The following NKIRAS1 variants were observed in gnomAD, a reference collection of about 807,000 sequenced individuals.
The protein encoded by NKIRAS1 is NFKB inhibitor interacting Ras like 1, also known as NF-kappa-B inhibitor-interacting Ras-like protein 1.
A neutral mutation model predicts 19.8 loss-of-function variants in NKIRAS1; 16 were observed. The observed-to-expected ratio is 0.81, with a 90% CI of 0.55 to 1.23. The LOEUF (loss-of-function observed/expected upper bound fraction) is 1.23, where lower values mean the gene tolerates loss of function less well. NKIRAS1 is among the 50% of genes most tolerant of loss of function. The pLI is 0.00. For synonymous variants in NKIRAS1, 88 were observed against 79.0 expected (o/e 1.11, Z -0.61); for missense variants, 184 against 220.0 (o/e 0.84, Z 1.04).
chr3:23,915,509 C>T (rs6800407), intron 1 of NKIRAS1, among the ~76,000 whole-genome samples: 34,450 of 152,094 alleles, frequency 0.23, 3,925 homozygotes, highest in African/African-American at 0.28. Context: ...ATTTCCTAAG[C>T]AGTCTCTCTG....
chr3:23,943,811 G>A (rs1705557612), intron 1 of NKIRAS1, among the ~76,000 whole-genome samples: 1 of 152,224 alleles, frequency 6.6e-6, no homozygotes, highest in African/African-American at 2.4e-5. Context: ...GTTTAGAAGG[G>A]TTTGGGTATC....
At chr3:23,916,273 G>A (rs1220266215) in intron 1 of NKIRAS1, 1 of 151,940 alleles carries the variant, frequency 6.6e-6, no homozygotes, top group Non-Finnish European at 1.5e-5. Flanking sequence ...AAAATATTCT[G>A]GAGAAACAAA....
At position 23,904,398 on chromosome 3, in the gene NKIRAS1, T is replaced by TA. The variant is rs373715043; in HGVS notation, c.95-3350_95-3349insT. On this transcript the variant is annotated intron_variant, in intron 3 of 4. Coordinates refer to ENST00000425478, the MANE Select transcript of NKIRAS1 (RefSeq NM_020345.4). ...CTTGTTGCTGCATCCTTGGGAGGGGTCAAATGCTGTGTCCTCACATGGTGG... is the reference window on the plus strand; with the variant it reads ...CTTGTTGCTGCATCCTTGGGAGGGGTACAAATGCTGTGTCCTCACATGGTGG... Among the ~76,000 whole-genome samples, 699 of 152,044 alleles carry TA rather than the reference T, an allele frequency of 4.6e-3. 10 individuals carry two copies. The highest frequency in any genetic ancestry group is 0.016 in the African/African-American group (655 of 41,434).
upstream of NKIRAS1, chr3:23,919,264 A>G (rs1228050782): frequency 1.9e-6 from 3 of 1,612,694 alleles, no homozygotes; most frequent in African/African-American, 1.3e-5. Flanking sequence ...AAGATTCCAC[A>G]TACAAATTTT....
exon 1 of NKIRAS1, chr3:23,946,407 G>A (rs1705711606): frequency 1.7e-6 from 1 of 574,244 alleles, no homozygotes; most frequent in Non-Finnish European, 2.2e-6. Context: ...GGGCTTTCCC[G>A]AAGGGATACG....
chr3:23,911,225 G>A (rs574039568), intron 2 of NKIRAS1, 104 bp downstream of exon 2: 7 of 221,292 alleles, frequency 3.2e-5, no homozygotes, highest in South Asian at 1.3e-4. Context: ...AGTCCAAGGC[G>A]GGTGGATCAC....
chr3:23,931,815 A>C (rs559252618), intron 1 of NKIRAS1, among the ~76,000 whole-genome samples: 4 of 152,226 alleles, frequency 2.6e-5, no homozygotes, highest in Admixed American at 6.5e-5. Context: ...CTTGCCTTCA[A>C]CCACCCAGTG....
At chr3:23,938,203 C>A (rs1705430979) in intron 1 of NKIRAS1, among the ~76,000 whole-genome samples, 1 of 134,454 alleles carries the variant, frequency 7.4e-6, no homozygotes, top group Non-Finnish European at 1.6e-5. Flanking sequence ...TTGAGAAGTA[C>A]AGTACCTTTT....
At chr3:23,897,269 A>G (rs1702081601) in intron 4 of NKIRAS1, among the ~76,000 whole-genome samples, 2 of 152,226 alleles carry the variant, frequency 1.3e-5, no homozygotes, top group South Asian at 4.1e-4. Context: ...CATTTATATA[A>G]AGAAACTCTG....
upstream of NKIRAS1, chr3:23,919,828 A>G (rs1178451864): frequency 6.7e-6 from 7 of 1,038,710 alleles, no homozygotes; most frequent in East Asian, 4.7e-4. Flanking sequence ...GGTGCATGTG[A>G]TGAAACCTGC....
Position 23,927,481 on chromosome 3 carries a change from A to G in NKIRAS1, c.-139-16031T>C, listed in dbSNP as rs1001116956. 7.9e-5 allele frequency among the ~76,000 whole-genome samples: 12 copies of G among 152,250 alleles called. No individual in the cohort carries two copies. The highest frequency in any genetic ancestry group is 2.9e-4 in the African/African-American group (12 of 41,462). On this transcript the variant is annotated intron_variant, in intron 1 of 4. Transcript: ENST00000421515. The surrounding 1 kb of genome is among the most constrained non-coding windows in gnomAD (Gnocchi z 4.0). ...ATGCTGTAGCTGGAATGCACACTTCAGCTCACTCTGAAATCCTGGCAAACG... is the reference window on the plus strand; with the variant it reads ...ATGCTGTAGCTGGAATGCACACTTCGGCTCACTCTGAAATCCTGGCAAACG...
At chr3:23,903,911 T>C in intron 3 of NKIRAS1, among the ~76,000 whole-genome samples, 1 of 152,218 alleles carries the variant, frequency 6.6e-6, no homozygotes, top group East Asian at 1.9e-4. Flanking sequence ...ACACCTGTAA[T>C]ACCAGCACTT....
upstream of NKIRAS1, chr3:23,921,660 T>C: frequency 1.5e-6 from 1 of 658,176 alleles, no homozygotes; most frequent in Non-Finnish European, 2.8e-6. Context: ...CTGCAACCTC[T>C]GTCTCCCGGG....
chr3:23,919,657 T>A, upstream of NKIRAS1: 1 of 1,415,028 alleles, frequency 7.1e-7, no homozygotes, highest in East Asian at 2.5e-5. Flanking sequence ...TTGAAGACAA[T>A]AAGTGGTGGT....
chr3:23,910,878 A>C lies in NKIRAS1; in HGVS notation c.27T>G (p.Val9=), dbSNP rs1292072137. 6.2e-7 allele frequency: 1 copy of C among 1,614,100 alleles called. No homozygotes were observed. The highest frequency in any genetic ancestry group is 1.7e-5 in the Admixed American group (1 of 60,022). The change falls in exon 3 of 5, where the codon GTT becomes GTG. Residue 9 remains valine, a synonymous_variant. Coordinates refer to ENST00000425478, the MANE Select transcript of NKIRAS1 (RefSeq NM_020345.4). ...TTTTCCCCACAGATAACAATCCACA[A>C]ACCACAACCTTGCAGCCCTTTCCCA... MGKGCKVV[V]CGLLSVGKTA...
Position 23,922,006 on chromosome 3 carries a change from C to A in NKIRAS1, c.-139-10556G>T. ...TAGGAATGAGCCACCACACCGGGCC[C>A]AAATTTACTTTAGTAATAACAACAA... On this transcript the variant is annotated intron_variant, in intron 1 of 4. Coordinates refer to the NKIRAS1 transcript ENST00000421515. The surrounding 1 kb of genome is among the most constrained non-coding windows in gnomAD (Gnocchi z 4.2). 10 of 167,786 alleles carry A rather than the reference C, an allele frequency of 6.0e-5. No individual in the cohort carries two copies. Among genetic ancestry groups the A allele is most frequent in the East Asian group, 3.3e-4 (2 of 6,068 alleles). The allele number at this position is 167,786 out of a possible 1,614,324, so 10.4% of individuals were successfully genotyped here.
At chr3:23,945,020 A>G (rs1559518830) in intron 1 of NKIRAS1, among the ~76,000 whole-genome samples, 2 of 151,900 alleles carry the variant, frequency 1.3e-5, no homozygotes, top group Admixed American at 6.6e-5. Flanking sequence ...AGGAGAGGAA[A>G]GAGGAGGAGG....
At chr3:23,911,017 C>T in intron 2 of NKIRAS1, 96 bp from the exon 3 acceptor site, 1 of 903,236 alleles carries the variant, frequency 1.1e-6, no homozygotes, top group Non-Finnish European at 1.7e-6. Flanking sequence ...AACACATGCA[C>T]AGGGGAAATT....
chr3:23,944,612 C>G lies in NKIRAS1; in HGVS notation c.-140+1711G>C, dbSNP rs564625969. 6.6e-5 allele frequency among the ~76,000 whole-genome samples: 10 copies of G among 152,222 alleles called. No individual in the cohort carries two copies. The South Asian group carries it at 2.1e-3, about 32-fold the overall frequency. On this transcript the variant is annotated intron_variant, in intron 1 of 4. Transcript: ENST00000421515. ...AGTTCGGACACACGCGTACACCCGTCTAAAATCTGAGATGCAAAAAAGCGG... is the reference window on the plus strand; with the variant it reads ...AGTTCGGACACACGCGTACACCCGTGTAAAATCTGAGATGCAAAAAAGCGG...
Sources: gnomAD v4.1 joint callset for allele counts (sites outside exome capture counted in the v4.1 genomes callset) on GRCh38, gnomAD v4.1.1 for gene constraint, Gnocchi (gnomAD v3.1) non-coding constraint, MANE v1.5 for transcripts, NCBI Gene and HGNC (gene_info 2026-07-23, HGNC 2026-07-21) for gene names.